Variants in PLCH2 observed in about 807,000 individuals in gnomAD.
PLCH2 encodes 1-phosphatidylinositol 4,5-bisphosphate phosphodiesterase eta-2.
Under a neutral mutation model 134.7 loss-of-function variants are expected in PLCH2, and 98 were observed. The ratio of observed to expected loss-of-function variants is 0.73; its 90% CI spans 0.62 to 0.86. The LOEUF (loss-of-function observed/expected upper bound fraction) is 0.86, where lower values mean the gene tolerates loss of function less well. Among genes scored for constraint, PLCH2 ranks in the 40% least tolerant of loss-of-function variants. PLCH2 has a pLI of 0.00. For missense variants in PLCH2, 1,994 were observed against 1,986.6 expected (o/e 1.00, Z -0.07); for synonymous variants, 974 against 827.5 (o/e 1.18, Z -3.04).
In PLCH2 at chr1:2,439,695, G is replaced by C. The variant is rs1471017474; in HGVS notation, c.115+9066G>C. On this transcript the variant is annotated intron_variant, in intron 2 of 3. Transcript: ENST00000609981. This position sits in a 1 kb window ranked among gnomAD's most constrained non-coding sequence, Gnocchi z 4.7. ...CTCCCGCCCAGGTCTCTGGCCCTGAGCCATCTGTTCACCTGGGGCTGACAC... is the reference window on the plus strand; with the variant it reads ...CTCCCGCCCAGGTCTCTGGCCCTGACCCATCTGTTCACCTGGGGCTGACAC... Among the ~76,000 whole-genome samples the C allele has an allele frequency of 6.6e-6, 1 of 152,208 alleles. No individual in the cohort carries two copies. The highest frequency in any genetic ancestry group is 1.5e-5 in the Non-Finnish European group (1 of 68,038).
intron 2 of PLCH2, among the ~76,000 whole-genome samples, chr1:2,455,642 C>G (rs913066051): frequency 3.3e-5 from 5 of 152,178 alleles, no homozygotes; most frequent in Non-Finnish European, 7.4e-5. Context: ...TCCTGGGGGT[C>G]AGGCGGGGGC....
chr1:2,483,513 G>T (rs1276673931), intron 4 of PLCH2, among the ~76,000 whole-genome samples: 1 of 152,140 alleles, frequency 6.6e-6, no homozygotes, highest in Non-Finnish European at 1.5e-5. Context: ...TCGTGAGTAG[G>T]GGCTGAGCTG....
At chr1:2,484,373 G>A (rs1229819094) in intron 4 of PLCH2, 75 bp from the exon 5 acceptor site, 2 of 1,422,176 alleles carry the variant, frequency 1.4e-6, no homozygotes, top group Non-Finnish European at 2.0e-6. Context: ...TGGGGAGTGG[G>A]GTGGTCCTGA....
chr1:2,474,191 C>T (rs934280740), upstream of PLCH2, among the ~76,000 whole-genome samples: 2 of 152,150 alleles, frequency 1.3e-5, no homozygotes, highest in Non-Finnish European at 2.9e-5. Context: ...CTGGGCTGGG[C>T]CCTGGGCCGG....
chr1:2,477,410 C>T (rs1314684111), intron 1 of PLCH2, among the ~76,000 whole-genome samples: 2 of 152,236 alleles, frequency 1.3e-5, no homozygotes, highest in Non-Finnish European at 2.9e-5. Flanking sequence ...CACGTAGTAG[C>T]TTCCCCAAGA....
At position 2,495,474 on chromosome 1, in the gene PLCH2, TGCCCCCC is replaced by T. The variant is rs1313642133; in HGVS notation, c.1753-11_1753-5del. ...CCAGAGGCCCTACAGCTCACACCTC[TGCCCCCC>T]GCACAGAAGAAGGGCAGCAAGCTGA... On this transcript the variant is annotated splice_region_variant and splice_polypyrimidine_tract_variant and intron_variant, in intron 12 of 21. Coordinates refer to ENST00000378486, the MANE Select transcript of PLCH2 (RefSeq NM_014638.4). The T allele has an allele frequency of 7.1e-6, 11 of 1,550,400 alleles. No homozygotes were observed. The South Asian group carries it at 1.3e-4, about 18-fold the overall frequency.
In PLCH2 at chr1:2,505,246, G is replaced by A. The variant is rs1175753880; in HGVS notation, c.*33G>A. The stretch of plus-strand genomic sequence containing the variant: ...TGGTGGGAACCTGGGCGGCTCTGGA[G>A]GCCCAGGGCAGGGGTGGGCGTGTTG... On this transcript the variant is annotated 3_prime_UTR_variant, in exon 22 of 22. Coordinates refer to ENST00000378486, the MANE Select transcript of PLCH2 (RefSeq NM_014638.4). The A allele has an allele frequency of 1.3e-6, 2 of 1,498,990 alleles. No homozygotes were observed. The highest frequency in any genetic ancestry group is 2.8e-5 in the African/African-American group (2 of 72,134). The allele number at this position is 1,498,990 out of a possible 1,614,324, so 92.9% of individuals were successfully genotyped here.
At chr1:2,491,777 G>A (rs983318596) in intron 11 of PLCH2, among the ~76,000 whole-genome samples, 6 of 152,226 alleles carry the variant, frequency 3.9e-5, no homozygotes, top group Non-Finnish European at 8.8e-5. Flanking sequence ...AGCTGTGGCC[G>A]GTGGATCCCG....
intron 2 of PLCH2, among the ~76,000 whole-genome samples, chr1:2,458,515 G>A: frequency 6.6e-6 from 1 of 152,174 alleles, no homozygotes; most frequent in East Asian, 1.9e-4. Flanking sequence ...GGCCCGAGTG[G>A]CCTTCCTGCT....
At chr1:2,476,834 C>T in intron 1 of PLCH2, 122 bp downstream of exon 1, 1 of 1,046,888 alleles carries the variant, frequency 9.6e-7, no homozygotes, top group East Asian at 2.8e-5. Flanking sequence ...CACTCGCCTC[C>T]CCTGTCCCCC....
rs1639853165 is a variant in PLCH2, at chr1:2,444,598, A to T, written c.115+13969A>T. The stretch of plus-strand genomic sequence containing the variant: ...GGACCTGCCGGCAGAGCTACAGGGT[A>T]TTCTTTAGGGAGATGGGCTCTGCTG... On this transcript the variant is annotated intron_variant, in intron 2 of 3. Transcript: ENST00000609981. This position sits in a 1 kb window ranked among gnomAD's most constrained non-coding sequence, Gnocchi z 4.6. Among the ~76,000 whole-genome samples the T allele has an allele frequency of 6.6e-6, 1 of 152,014 alleles. No homozygotes were observed. Among genetic ancestry groups the T allele is most frequent in the Non-Finnish European group, 1.5e-5 (1 of 67,982 alleles).
chr1:2,476,416 T>C lies in PLCH2; in HGVS notation c.-173T>C. 1 of 614,238 alleles carries C rather than the reference T, an allele frequency of 1.6e-6. No individual in the cohort carries two copies. The highest frequency in any genetic ancestry group is 2.7e-6 in the Non-Finnish European group (1 of 376,336). 38.0% of individuals were successfully genotyped at this position (614,238 alleles called of 1,614,324 possible). A position where few individuals can be genotyped will look rare whatever the true frequency, so the allele number is the denominator to read the frequency against. ...CGGTCAGGCCAATGCCAGCCGGGCC[T>C]GGGCACAGCCCTGTGGGGGCTTCGG... On this transcript the variant is annotated 5_prime_UTR_variant, in exon 1 of 22. Transcript: ENST00000378486.
rs985677654 is a variant in PLCH2, at chr1:2,498,100, C to T, written c.2225-423C>T. ...GGGAGAGGGCAGGACAGGGGCTGGGCGAGCAGGCCTCCCACTAGACCAGGC... is the reference window on the plus strand; with the variant it reads ...GGGAGAGGGCAGGACAGGGGCTGGGTGAGCAGGCCTCCCACTAGACCAGGC... On this transcript the variant is annotated intron_variant, in intron 16 of 21. Transcript: ENST00000378486. This position sits in a 1 kb window ranked among gnomAD's most constrained non-coding sequence, Gnocchi z 5.4. 1.2e-5 allele frequency: 3 copies of T among 241,608 alleles called. No homozygotes were observed. The highest frequency in any genetic ancestry group is 9.6e-5 in the East Asian group (1 of 10,404). 15.0% of individuals were successfully genotyped at this position (241,608 alleles called of 1,614,324 possible).
At position 2,504,663 on chromosome 1, in the gene PLCH2, G is replaced by A. The variant is rs781343610; in HGVS notation, c.3701G>A (p.Arg1234Gln). 1.7e-5 allele frequency: 28 copies of A among 1,612,368 alleles called. No individual in the cohort carries two copies. Among genetic ancestry groups the A allele is most frequent in the South Asian group, 4.4e-5 (4 of 91,082 alleles). The change falls in exon 22 of 22, where the codon CGG (arginine) becomes CAG (glutamine). Residue 1234 changes from arginine to glutamine, a missense_variant. Around this residue, in one of 2 missense-constraint regions of PLCH2, gnomAD observed 900 missense variants for 752.3 expected, o/e 1.20. Coordinates refer to ENST00000378486, the MANE Select transcript of PLCH2 (RefSeq NM_014638.4). ...CCAAGGATGGCTGGCCTCCCCTTCC[G>A]GCCTCCCTGGGGCTGCCTTTCCCTG... The part of the protein sequence containing the change: ...LAPRMAGLPF[R>Q]PPWGCLSLVG...
rs1640691253 is a variant in PLCH2 at position 2,459,522 on chromosome 1, TG to T, written c.116-18952del. On this transcript the variant is annotated intron_variant, in intron 2 of 3. Transcript: ENST00000609981. ...CCTCCTTCCTGGTGGTCCTCCTTCC[TG>T]GTGGTCCTCCTTCCTGGTGGTCCTC... Among the ~76,000 whole-genome samples the T allele has an allele frequency of 6.4e-5, 4 of 62,016 alleles. 1 individual carries two copies. The highest frequency in any genetic ancestry group is 5.2e-4 in the Admixed American group (3 of 5,798). 40.7% of individuals were successfully genotyped at this position (62,016 alleles called of 152,430 possible).
In PLCH2 at chr1:2,487,369, C is replaced by G; in HGVS notation, c.1107C>G (p.Cys369Trp). ...YAWVLQAGCR[C>W]VEVDCWDGPD... ...GGGTCCTGCAGGCTGGCTGCCGCTG[C>G]GTGGAGGGTAAGCCCTGGACCTTGG... Residue 369 changes from cysteine (C) to tryptophan (W), a missense_variant, in exon 7 of 22, where the codon TGC becomes TGG. Physicochemically the swap from Cys to Trp is radical, Grantham distance 215. Coordinates refer to ENST00000378486, the MANE Select transcript of PLCH2 (RefSeq NM_014638.4). The G allele has an allele frequency of 6.2e-7, 1 of 1,612,406 alleles. No individual in the cohort carries two copies. The highest frequency in any genetic ancestry group is 8.5e-7 in the Non-Finnish European group (1 of 1,179,232).
chr1:2,455,106 C>T (rs899161722), intron 2 of PLCH2, among the ~76,000 whole-genome samples: 10 of 152,176 alleles, frequency 6.6e-5, no homozygotes, highest in Non-Finnish European at 1.0e-4. Flanking sequence ...GAGCCCCCAG[C>T]GGAGCCGGGA....
rs967552865 is a variant in PLCH2 at position 2,448,196 on chromosome 1, G to A, written c.115+17567G>A. On this transcript the variant is annotated intron_variant, in intron 2 of 3. Coordinates refer to the PLCH2 transcript ENST00000609981. This position sits in a 1 kb window ranked among gnomAD's most constrained non-coding sequence, Gnocchi z 4.0. Reference sequence around the variant, plus strand: ...GGAGCACCACGACATGGAGGGGTGTGTTTCCTGCAGCTGCTGGGACCGGCT... The same window carrying A: ...GGAGCACCACGACATGGAGGGGTGTATTTCCTGCAGCTGCTGGGACCGGCT... Among the ~76,000 whole-genome samples the A allele has an allele frequency of 1.3e-5, 2 of 152,218 alleles. No homozygotes were observed. The highest frequency in any genetic ancestry group is 4.8e-5 in the African/African-American group (2 of 41,454).
chr1:2,489,321 T>C lies in PLCH2; in HGVS notation c.1350T>C (p.Ser450=), dbSNP rs771732664. 1.2e-6 allele frequency: 2 copies of C among 1,613,824 alleles called. No individual in the cohort carries two copies. The highest frequency in any genetic ancestry group is 1.7e-6 in the Non-Finnish European group (2 of 1,179,864). The change falls in exon 9 of 22, where the codon AGT becomes AGC. Residue 450 remains serine, a synonymous_variant. Transcript: ENST00000378486. ...GDKLDLSSVS[S]EDATTLPSPQ... is the part of the protein sequence containing the mutation. ...AGCTGGACCTGTCATCAGTGAGCAGTGAAGATGCCACCACACTCCCCTCTC... is the reference window on the plus strand; with the variant it reads ...AGCTGGACCTGTCATCAGTGAGCAGCGAAGATGCCACCACACTCCCCTCTC...
Sources: allele counts gnomAD v4.1 joint callset (sites outside exome capture counted in the v4.1 genomes callset), GRCh38; gene constraint gnomAD v4.1.1; regional missense constraint gnomAD v4.1.1; non-coding constraint Gnocchi (gnomAD v3.1); transcripts MANE v1.5; gene names NCBI Gene and HGNC (gene_info 2026-07-23, HGNC 2026-07-21).